Variants in CCDC146 observed in about 807,000 individuals in gnomAD.
The protein encoded by CCDC146 is coiled-coil domain containing 146.
A neutral mutation model predicts 119.3 loss-of-function variants in CCDC146; 92 were observed. The ratio of observed to expected loss-of-function variants is 0.77; its 90% CI spans 0.65 to 0.92. The LOEUF is 0.92. CCDC146 is among the 40% of genes least tolerant of loss of function. The pLI, the probability that CCDC146 is intolerant of heterozygous loss-of-function variation, is 0.00. For missense variants in CCDC146, 1,000 were observed against 1,103.0 expected (o/e 0.91, Z 1.32); for synonymous variants, 372 against 371.8 (o/e 1.00, Z -0.01).
intron 17 of CCDC146, among the ~76,000 whole-genome samples, chr7:77,289,830 T>G (rs1793911958): frequency 6.6e-6 from 1 of 152,342 alleles, no homozygotes; most frequent in African/African-American, 2.4e-5. Flanking sequence ...GAAGGGAAGT[T>G]GGCCAGTTAC....
chr7:77,144,455 T>G, intron 1 of CCDC146, among the ~76,000 whole-genome samples: 1 of 151,828 alleles, frequency 6.6e-6, no homozygotes, highest in South Asian at 2.1e-4. Flanking sequence ...AATACTATGT[T>G]GAAGAGGAGT....
In CCDC146 at chr7:77,289,428, G is replaced by C. The variant is rs776471376; in HGVS notation, c.2415+1851G>C. Among the ~76,000 whole-genome samples the C allele has an allele frequency of 5.3e-5, 8 of 152,170 alleles. No homozygotes were observed. The South Asian group carries it at 1.7e-3, about 32-fold the overall frequency. On this transcript the variant is annotated intron_variant, in intron 17 of 18. Coordinates refer to ENST00000285871, the MANE Select transcript of CCDC146 (RefSeq NM_020879.3). ...TCCATTGGCTTCTTCCTCCTCCCCA[G>C]CTTTCACTGTCCCCACTCCATTTAA...
At chr7:77,256,139 C>G (rs1793173871) in intron 5 of CCDC146, among the ~76,000 whole-genome samples, 194 bp from the exon 6 acceptor site, 1 of 152,072 alleles carries the variant, frequency 6.6e-6, no homozygotes, top group Non-Finnish European at 1.5e-5. Flanking sequence ...CATTATCATG[C>G]CTTTGTTAAA....
chr7:77,228,804 C>G (rs933853459), intron 2 of CCDC146, among the ~76,000 whole-genome samples: 19 of 152,196 alleles, frequency 1.2e-4, no homozygotes, highest in African/African-American at 4.3e-4. Context: ...TTCTCCACAA[C>G]CTCAGCAACA....
intron 4 of CCDC146, among the ~76,000 whole-genome samples, chr7:77,244,420 A>T (rs1028605715): frequency 1.3e-5 from 2 of 152,124 alleles, no homozygotes; most frequent in Non-Finnish European, 2.9e-5. Flanking sequence ...CCACTGACTC[A>T]CCCTGAGCAA....
rs190305722 is a variant in CCDC146 at position 77,206,470 on chromosome 7, C to G, written c.157-30477C>G. Among the ~76,000 whole-genome samples the G allele has an allele frequency of 2.1e-3, 326 of 152,016 alleles. 1 individual carries two copies. The highest frequency in any genetic ancestry group is 7.3e-3 in the African/African-American group (302 of 41,478). On this transcript the variant is annotated intron_variant, in intron 2 of 18. Transcript: ENST00000285871. ...TCTCTACTAAAAATACAAAAATTAG[C>G]CAGGTGTGGTGGTGTGTGTCTGTAA...
intron 1 of CCDC146, among the ~76,000 whole-genome samples, chr7:77,123,240 GAAA>G (rs71085442): frequency 7.1e-6 from 1 of 140,842 alleles, no homozygotes; most frequent in Non-Finnish European, 1.5e-5. Flanking sequence ...GTTTTAGAGT[GAAA>G]AAAAAAAAGA....
At chr7:77,182,498 G>A (rs547905047) in intron 2 of CCDC146, among the ~76,000 whole-genome samples, 1 of 152,198 alleles carries the variant, frequency 6.6e-6, no homozygotes, top group Admixed American at 6.5e-5. Context: ...GAGGCCAGGC[G>A]TGGTGGCTCA....
intron 11 of CCDC146, 102 bp from the exon 12 acceptor site, chr7:77,278,650 G>T (rs764140656): frequency 3.0e-4 from 244 of 818,758 alleles, no homozygotes; most frequent in Non-Finnish European, 4.0e-4. Context: ...TCACTATGTT[G>T]CCTAGGCTGG....
At position 77,241,746 on chromosome 7, in the gene CCDC146, A is replaced by G; in HGVS notation, c.295A>G (p.Ile99Val). ...LQNAKRFTEQ[I>V]QQQQFHLQQA... The stretch of plus-strand genomic sequence containing the variant: ...GAATGCCAAACGTTTCACTGAGCAA[A>G]TACAACAGCAGCAGTTTCACCTGCA... The change falls in exon 4 of 19, where the codon ATA becomes GTA. Residue 99 changes from isoleucine (I) to valine (V), a missense_variant. By Grantham distance (29) the Ile-to-Val change is conservative. This residue lies in a region of CCDC146 where 985 missense variants were observed against 1,045.3 expected (regional missense o/e 0.94). Transcript: ENST00000285871. The G allele has an allele frequency of 6.2e-7, 1 of 1,614,048 alleles. No individual in the cohort carries two copies. The highest frequency in any genetic ancestry group is 8.5e-7 in the Non-Finnish European group (1 of 1,180,042).
At chr7:77,142,073 A>C (rs1434144641) in intron 1 of CCDC146, among the ~76,000 whole-genome samples, 1 of 152,124 alleles carries the variant, frequency 6.6e-6, no homozygotes, top group African/African-American at 2.4e-5. Flanking sequence ...ATCTCAAAAT[A>C]ATAAGAGCTA....
chr7:77,160,357 G>A (rs1791242440), intron 1 of CCDC146, among the ~76,000 whole-genome samples: 1 of 152,098 alleles, frequency 6.6e-6, no homozygotes, highest in Non-Finnish European at 1.5e-5. Context: ...AATTACCTTG[G>A]GCAGTATGGC....
At chr7:77,158,149 T>C (rs1478583986) in intron 1 of CCDC146, among the ~76,000 whole-genome samples, 1 of 150,538 alleles carries the variant, frequency 6.6e-6, no homozygotes, top group East Asian at 2.0e-4. Context: ...TTATTTGGGC[T>C]TATTTTACCT....
chr7:77,171,414 C>T (rs1791418844), intron 2 of CCDC146, among the ~76,000 whole-genome samples: 1 of 152,138 alleles, frequency 6.6e-6, no homozygotes. Flanking sequence ...TTAAACCAGC[C>T]AATCCACAAC....
At chr7:77,135,614 G>C (rs527920684) in intron 1 of CCDC146, among the ~76,000 whole-genome samples, 1 of 152,240 alleles carries the variant, frequency 6.6e-6, no homozygotes, top group African/African-American at 2.4e-5. Context: ...GCATTGTCTT[G>C]CTTAAAGTCT....
chr7:77,271,511 G>GAGATAGATAGATAGATAGAT (rs1562856477), intron 9 of CCDC146, among the ~76,000 whole-genome samples: 6 of 66,880 alleles, frequency 9.0e-5, no homozygotes, highest in African/African-American at 3.3e-4. Flanking sequence ...ACACTAATAG[G>GAGATAGATAGATAGATAGAT]AGATATATAT....
rs555764000 is a variant in CCDC146, at chr7:77,251,952, G to A, written c.450-2554G>A. On this transcript the variant is annotated intron_variant, in intron 4 of 18. Coordinates refer to ENST00000285871, the MANE Select transcript of CCDC146 (RefSeq NM_020879.3). ...TCACCTGAGGTCAGGAGTTCAAAAC[G>A]AGGCTGGCTAACATGGTGAAACCCC... 3.9e-5 allele frequency among the ~76,000 whole-genome samples: 6 copies of A among 152,242 alleles called. No homozygotes were observed. The South Asian group carries it at 1.2e-3, about 32-fold the overall frequency.
At chr7:77,165,005 A>G (rs1173756748) in intron 1 of CCDC146, among the ~76,000 whole-genome samples, 1 of 152,230 alleles carries the variant, frequency 6.6e-6, no homozygotes, top group Admixed American at 6.5e-5. Context: ...CTGTTGATTC[A>G]GTGAAGATTC....
chr7:77,192,259 T>G (rs1485999532), intron 2 of CCDC146, among the ~76,000 whole-genome samples: 2 of 152,208 alleles, frequency 1.3e-5, no homozygotes, highest in Non-Finnish European at 2.9e-5. Flanking sequence ...GCTTTATATA[T>G]GTGATTTAAT....
Sources: gnomAD v4.1 joint callset for allele counts (sites outside exome capture counted in the v4.1 genomes callset) on GRCh38, gnomAD v4.1.1 for gene constraint, gnomAD v4.1.1 regional missense constraint, MANE v1.5 for transcripts, NCBI Gene and HGNC (gene_info 2026-07-23, HGNC 2026-07-21) for gene names.